The following PID1 variants were observed in gnomAD, a reference collection of about 807,000 sequenced individuals.
PID1 encodes PTB-containing, cubilin and LRP1-interacting protein.
Under a neutral mutation model 19.1 loss-of-function variants are expected in PID1, and 10 were observed. The ratio of observed to expected loss-of-function variants is 0.52; its 90% CI spans 0.32 to 0.89. The LOEUF (loss-of-function observed/expected upper bound fraction) is 0.89, where lower values mean the gene tolerates loss of function less well. Among genes scored for constraint, PID1 ranks in the 40% least tolerant of loss-of-function variants. The pLI is 0.03. For synonymous variants in PID1, 130 were observed against 116.0 expected, an observed-to-expected ratio of 1.12 and a Z score of -0.78; for missense variants, 248 against 285.3, an observed-to-expected ratio of 0.87 and a Z score of 0.94.
intron 1 of PID1, among the ~76,000 whole-genome samples, chr2:229,256,162 A>G (rs1690289481): frequency 6.6e-6 from 1 of 152,144 alleles, no homozygotes; most frequent in South Asian, 2.1e-4. Context: ...TGACTCAGTG[A>G]GATGCACCAA....
At chr2:229,140,031 T>C (rs774496944) in intron 2 of PID1, among the ~76,000 whole-genome samples, 33 of 152,092 alleles carry the variant, frequency 2.2e-4, no homozygotes, top group Non-Finnish European at 4.3e-4. Context: ...GGCATGCTTT[T>C]CTGCAAAGCC....
chr2:229,174,437 A>G (rs1266622392), intron 1 of PID1, among the ~76,000 whole-genome samples: 1 of 152,232 alleles, frequency 6.6e-6, no homozygotes, highest in Admixed American at 6.5e-5. Context: ...ATGGTTGTAA[A>G]TGTAAAGTGA....
At chr2:229,256,522 C>G (rs976561413) in intron 1 of PID1, among the ~76,000 whole-genome samples, 3 of 152,194 alleles carry the variant, frequency 2.0e-5, no homozygotes, top group African/African-American at 7.2e-5. Flanking sequence ...ACTCCCAGGG[C>G]ACTGGCATCT....
intron 2 of PID1, among the ~76,000 whole-genome samples, chr2:229,108,753 G>C (rs1204793924): frequency 6.6e-6 from 1 of 152,110 alleles, no homozygotes; most frequent in Non-Finnish European, 1.5e-5. Flanking sequence ...CCTATGGGGA[G>C]ATCCCTGTTG....
chr2:229,041,507 G>A (rs535846640), intron 2 of PID1, among the ~76,000 whole-genome samples: 1 of 152,190 alleles, frequency 6.6e-6, no homozygotes, highest in East Asian at 1.9e-4. Context: ...AAGAGGCGAT[G>A]AGACTAGAAA....
Position 229,137,796 on chromosome 2 carries a change from C to T in PID1, c.177+18022G>A, listed in dbSNP as rs529805449. ...AGTTATGCTTTCTGTAAATGAAGCA[C>T]TTTGCTTGGCTAATTTTTAAACATA... On this transcript the variant is annotated intron_variant, in intron 2 of 2. Coordinates refer to ENST00000392055, the MANE Select transcript of PID1 (RefSeq NM_001100818.2). Among the ~76,000 whole-genome samples the T allele has an allele frequency of 3.9e-5, 6 of 152,290 alleles. No individual in the cohort carries two copies. In the South Asian group the frequency reaches 1.2e-3, roughly 32 times the overall value.
chr2:229,067,387 G>A (rs545928449), intron 2 of PID1, among the ~76,000 whole-genome samples: 59 of 152,244 alleles, frequency 3.9e-4, no homozygotes, highest in African/African-American at 1.4e-3. Context: ...AGCCGGAAAG[G>A]ATTATATATG....
intron 1 of PID1, among the ~76,000 whole-genome samples, chr2:229,240,715 T>TAA (rs775776383): frequency 5.9e-5 from 9 of 152,286 alleles, no homozygotes; most frequent in Admixed American, 1.3e-4. Flanking sequence ...GTCTCCCACT[T>TAA]ATGGTTTGCA....
chr2:229,090,570 C>T (rs2106218703), intron 2 of PID1, among the ~76,000 whole-genome samples: 1 of 152,272 alleles, frequency 6.6e-6, no homozygotes, highest in East Asian at 1.9e-4. Context: ...ATAGTACAAG[C>T]AGGCCTTAGT....
At chr2:229,145,156 T>TAC (rs1690102021) in intron 2 of PID1, among the ~76,000 whole-genome samples, 1 of 9,806 alleles carries the variant, frequency 1.0e-4, no homozygotes, top group Non-Finnish European at 3.0e-4. Flanking sequence ...TATGTATGTG[T>TAC]ATATATATAT....
chr2:229,187,347 G>A (rs574698121), intron 1 of PID1, among the ~76,000 whole-genome samples: 81 of 152,238 alleles, frequency 5.3e-4, no homozygotes, highest in Non-Finnish European at 1.0e-3. Flanking sequence ...AGACATACCC[G>A]AGACTGGGCA....
chr2:229,082,932 T>C (rs1694696840), intron 2 of PID1, among the ~76,000 whole-genome samples: 1 of 151,862 alleles, frequency 6.6e-6, no homozygotes, highest in Non-Finnish European at 1.5e-5. Flanking sequence ...ATAGTGGCAA[T>C]AGGAAAGGGA....
At chr2:229,082,103 C>A (rs1694679680) in intron 2 of PID1, among the ~76,000 whole-genome samples, 1 of 152,170 alleles carries the variant, frequency 6.6e-6, no homozygotes, top group South Asian at 2.1e-4. Context: ...GCCACAGAGT[C>A]AAGATCAGGT....
At chr2:229,224,227 T>C (rs1692031147) in intron 1 of PID1, among the ~76,000 whole-genome samples, 2 of 152,240 alleles carry the variant, frequency 1.3e-5, no homozygotes, top group Non-Finnish European at 2.9e-5. Flanking sequence ...TATACACTGT[T>C]GTTGGGAATG....
chr2:229,094,662 C>A (rs1382897070), intron 2 of PID1, among the ~76,000 whole-genome samples: 1 of 151,898 alleles, frequency 6.6e-6, no homozygotes, highest in Non-Finnish European at 1.5e-5. Context: ...TTTGACAAAG[C>A]ATACAAAAAC....
chr2:229,124,468 T>C (rs1485524327), intron 2 of PID1, among the ~76,000 whole-genome samples: 1 of 152,122 alleles, frequency 6.6e-6, no homozygotes, highest in African/African-American at 2.4e-5. Flanking sequence ...TTGTAAACAG[T>C]TATAAACAAG....
At chr2:229,121,529 A>C (rs755472127) in intron 2 of PID1, among the ~76,000 whole-genome samples, 2 of 152,178 alleles carry the variant, frequency 1.3e-5, no homozygotes, top group Non-Finnish European at 2.9e-5. Context: ...CAGAAAAGGG[A>C]GTTGGATAAG....
At chr2:229,249,490 T>C (rs1162173705) in intron 1 of PID1, among the ~76,000 whole-genome samples, 2 of 152,246 alleles carry the variant, frequency 1.3e-5, no homozygotes, top group East Asian at 1.9e-4. Flanking sequence ...TGAGCTTGTA[T>C]GGTGTTGCCG....
intron 1 of PID1, among the ~76,000 whole-genome samples, chr2:229,172,645 T>A (rs1690733786): frequency 6.6e-6 from 1 of 152,206 alleles, no homozygotes. Context: ...AATCTCTTAA[T>A]TACCTCTGTA....
Sources: allele counts gnomAD v4.1 joint callset (sites outside exome capture counted in the v4.1 genomes callset), GRCh38; gene constraint gnomAD v4.1.1; transcripts MANE v1.5; gene names NCBI Gene and HGNC (gene_info 2026-07-23, HGNC 2026-07-21).